MECOM: variants seen among roughly 807,000 people sequenced by gnomAD.
The protein encoded by MECOM is histone-lysine N-methyltransferase MECOM.
MECOM carries 13 observed loss-of-function variants against 116.3 expected under a neutral mutation model. The observed-to-expected ratio is 0.11, with a 90% CI of 0.07 to 0.18. The LOEUF (loss-of-function observed/expected upper bound fraction) is 0.18. MECOM is among the 10% of genes least tolerant of loss of function. The pLI is 1.00. For missense variants in MECOM, 1,299 were observed against 1,509.0 expected, an observed-to-expected ratio of 0.86 and a Z score of 2.31; for synonymous variants, 528 against 535.2, an observed-to-expected ratio of 0.99 and a Z score of 0.19.
intron 13 of MECOM, among the ~76,000 whole-genome samples, chr3:169,094,011 T>C (rs534635779): frequency 1.3e-5 from 2 of 152,148 alleles, no homozygotes; most frequent in Non-Finnish European, 2.9e-5. Flanking sequence ...AAATTATAGT[T>C]GTATGCTATA....
intron 1 of MECOM, among the ~76,000 whole-genome samples, chr3:169,605,399 C>T (rs868160406): frequency 2.0e-5 from 3 of 152,222 alleles, no homozygotes; most frequent in Admixed American, 1.3e-4. Context: ...CTAGCTCTTA[C>T]TCTTTTTTCT....
chr3:169,146,698 C>T (rs917819268), intron 2 of MECOM: 6 of 1,270,412 alleles, frequency 4.7e-6, no homozygotes, highest in African/African-American at 3.1e-5. Flanking sequence ...ACTTTTTTTC[C>T]TTTTAAAGTG....
rs1407429700 is a variant in MECOM, at chr3:169,120,102, A to G, written c.1132+954T>C. Among the ~76,000 whole-genome samples the G allele has an allele frequency of 3.9e-5, 6 of 152,326 alleles. No homozygotes were observed. The South Asian group carries it at 1.0e-3, about 26-fold the overall frequency. ...AAGTCAGAGGTCTTGCCAAGTGCTG[A>G]GTATGCTTCAACCAATTCTATGTGT... On this transcript the variant is annotated intron_variant, in intron 7 of 16. Coordinates refer to ENST00000651503, the MANE Select transcript of MECOM (RefSeq NM_004991.4).
chr3:169,357,400 CCT>C (rs1487564668), intron 2 of MECOM, among the ~76,000 whole-genome samples: 2 of 151,846 alleles, frequency 1.3e-5, no homozygotes, highest in Non-Finnish European at 2.9e-5. Flanking sequence ...ATTTCTACCT[CCT>C]GTTTGCAGTC....
chr3:169,168,180 C>T (rs955808441), intron 2 of MECOM, among the ~76,000 whole-genome samples: 1 of 151,718 alleles, frequency 6.6e-6, no homozygotes, highest in African/African-American at 2.4e-5. Flanking sequence ...AGTTTTTTAC[C>T]TTACAGTATA....
At chr3:169,277,067 T>C (rs1759679427) in intron 2 of MECOM, among the ~76,000 whole-genome samples, 1 of 151,864 alleles carries the variant, frequency 6.6e-6, no homozygotes, top group South Asian at 2.1e-4. Context: ...AGTACCAGGA[T>C]TTCACTCCAT....
chr3:169,178,304 T>G (rs1745475709), intron 2 of MECOM, among the ~76,000 whole-genome samples: 2 of 152,210 alleles, frequency 1.3e-5, no homozygotes, highest in South Asian at 4.1e-4. Context: ...ATACGAATTT[T>G]GAGCTTTATC....
chr3:169,273,635 C>T lies in MECOM; in HGVS notation c.375+107552G>A, dbSNP rs77261573. Among the ~76,000 whole-genome samples the T allele has an allele frequency of 6.1e-3, 933 of 152,182 alleles. 7 individuals carry two copies. The highest frequency in any genetic ancestry group is 0.021 in the African/African-American group (872 of 41,516). ...TTCTCTATAGCAGTTTTATCTTAGG[C>T]GGTGTGTGTGAAGACTAGGGTGTAT... On this transcript the variant is annotated intron_variant, in intron 2 of 16. Transcript: ENST00000651503.
intron 1 of MECOM, among the ~76,000 whole-genome samples, chr3:169,493,504 T>C (rs1753380647): frequency 6.6e-6 from 1 of 152,106 alleles, no homozygotes; most frequent in South Asian, 2.1e-4. Context: ...TTGAACACTG[T>C]CTTACATACA....
At chr3:169,406,675 C>T (rs1026129227) in intron 1 of MECOM, among the ~76,000 whole-genome samples, 4 of 151,976 alleles carry the variant, frequency 2.6e-5, no homozygotes, top group African/African-American at 9.7e-5. Context: ...TTAATGTCAC[C>T]GTAAAACCTA....
At chr3:169,103,478 CA>C (rs1262870472) in intron 10 of MECOM, among the ~76,000 whole-genome samples, 1 of 152,102 alleles carries the variant, frequency 6.6e-6, no homozygotes, top group Non-Finnish European at 1.5e-5. Flanking sequence ...TTAGAAAGCT[CA>C]AGAAGCTATT....
intron 1 of MECOM, among the ~76,000 whole-genome samples, chr3:169,652,051 A>C (rs1284299131): frequency 6.6e-6 from 1 of 152,214 alleles, no homozygotes; most frequent in Non-Finnish European, 1.5e-5. Flanking sequence ...TAAAAACTTT[A>C]AGATGTTTTA....
chr3:169,295,991 G>A (rs1715524213), intron 2 of MECOM, among the ~76,000 whole-genome samples: 1 of 152,170 alleles, frequency 6.6e-6, no homozygotes, highest in Non-Finnish European at 1.5e-5. Flanking sequence ...TGAACCAACT[G>A]ACCTTGCTCT....
At chr3:169,151,873 T>C (rs1045928722) in intron 2 of MECOM, among the ~76,000 whole-genome samples, 45 of 152,326 alleles carry the variant, frequency 3.0e-4, no homozygotes, top group African/African-American at 1.1e-3. Flanking sequence ...CTCCTACTCC[T>C]CTAAATTCTC....
chr3:169,550,380 A>T (rs2109299347), intron 1 of MECOM, among the ~76,000 whole-genome samples: 1 of 152,364 alleles, frequency 6.6e-6, no homozygotes, highest in Non-Finnish European at 1.5e-5. Context: ...CACAGCAGGT[A>T]AACAAACTTC....
intron 2 of MECOM, among the ~76,000 whole-genome samples, chr3:169,234,124 T>A (rs1753740678): frequency 6.6e-6 from 1 of 152,072 alleles, no homozygotes; most frequent in South Asian, 2.1e-4. Flanking sequence ...CAAAGAGAAA[T>A]ATGAGACAGA....
chr3:169,324,595 G>A (rs1411550955), intron 2 of MECOM, among the ~76,000 whole-genome samples: 1 of 152,228 alleles, frequency 6.6e-6, no homozygotes, highest in East Asian at 1.9e-4. Flanking sequence ...TCGGCAACGT[G>A]CCAAAGTCCC....
intron 1 of MECOM, among the ~76,000 whole-genome samples, chr3:169,427,857 T>G (rs942769512): frequency 1.3e-5 from 2 of 152,182 alleles, no homozygotes; most frequent in Non-Finnish European, 2.9e-5. Flanking sequence ...TCTCCTCAAA[T>G]TCATATGTTG....
At chr3:169,409,384 A>G (rs778529707) in intron 1 of MECOM, among the ~76,000 whole-genome samples, 2 of 152,188 alleles carry the variant, frequency 1.3e-5, no homozygotes, top group African/African-American at 2.4e-5. Flanking sequence ...TTCCCAAAGG[A>G]GAGTTACTAG....
Sources: allele counts gnomAD v4.1 joint callset (sites outside exome capture counted in the v4.1 genomes callset), GRCh38; gene constraint gnomAD v4.1.1; transcripts MANE v1.5; gene names NCBI Gene and HGNC (gene_info 2026-07-23, HGNC 2026-07-21).